ATP6V0A2: variants seen among roughly 807,000 people sequenced by gnomAD.
ATP6V0A2 encodes the protein V-type proton ATPase 116 kDa subunit a 2.
ATP6V0A2 carries 58 observed loss-of-function variants against 104.4 expected under a neutral mutation model. The observed-to-expected ratio is 0.56, with a 90% CI of 0.45 to 0.69. ATP6V0A2 has a LOEUF of 0.69. Among genes scored for constraint, ATP6V0A2 ranks in the 30% least tolerant of loss-of-function variants. The pLI is 0.00. For missense variants in ATP6V0A2, 938 were observed against 1,062.9 expected (o/e 0.88, Z 1.63); for synonymous variants, 376 against 397.9 (o/e 0.95, Z 0.65).
chr12:123,748,548 G>T, intron 14 of ATP6V0A2, 27 bp from the exon 15 acceptor site: 3 of 1,545,892 alleles, frequency 1.9e-6, no homozygotes, highest in Non-Finnish European at 2.7e-6. Flanking sequence ...CTTGTTCGTG[G>T]GTTGATTGAT....
intron 9 of ATP6V0A2, among the ~76,000 whole-genome samples, chr12:123,738,362 G>C (rs10773031): frequency 0.61 from 92,479 of 151,210 alleles, 28,770 homozygotes; most frequent in East Asian, 0.95. Flanking sequence ...CCATTGCACT[G>C]CAGCCTGGGC....
intron 9 of ATP6V0A2, among the ~76,000 whole-genome samples, chr12:123,738,116 G>A (rs894513910): frequency 2.0e-5 from 3 of 151,986 alleles, no homozygotes; most frequent in Admixed American, 2.0e-4. Context: ...TTGTTTAAGA[G>A]CCTTTTGGCT....
chr12:123,740,426 G>A (rs899490351), intron 9 of ATP6V0A2, among the ~76,000 whole-genome samples: 1 of 152,086 alleles, frequency 6.6e-6, no homozygotes, highest in African/African-American at 2.4e-5. Flanking sequence ...GGCCAGGCTG[G>A]TCTGGAACTC....
intron 6 of ATP6V0A2, among the ~76,000 whole-genome samples, chr12:123,729,320 C>CTGTTTTTTTTTTTT (rs1332143429): frequency 2.6e-5 from 1 of 38,836 alleles, no homozygotes; most frequent in Non-Finnish European, 5.0e-5. Context: ...TTCAAGGAGG[C>CTGTTTTTTTTTTTT]TGTTTTTTTT....
At chr12:123,746,513 G>A (rs932396688) in intron 13 of ATP6V0A2, among the ~76,000 whole-genome samples, 7 of 151,500 alleles carry the variant, frequency 4.6e-5, no homozygotes, top group African/African-American at 7.3e-5. Context: ...GTGGTGGTGC[G>A]TGCCTGTGGT....
At chr12:123,738,264 G>T (rs10846551) in intron 9 of ATP6V0A2, among the ~76,000 whole-genome samples, 91,221 of 151,858 alleles carry the variant, frequency 0.6, 28,025 homozygotes, top group East Asian at 0.95. Context: ...TAGCTGGGCG[G>T]GGTGGCACAT....
intron 9 of ATP6V0A2, among the ~76,000 whole-genome samples, chr12:123,739,170 T>C (rs1274110012): frequency 6.6e-6 from 1 of 152,208 alleles, no homozygotes; most frequent in Non-Finnish European, 1.5e-5. Flanking sequence ...TCTTGAGAGC[T>C]GCGTATTAAG....
chr12:123,755,580 G>A (rs1956755571), intron 18 of ATP6V0A2, among the ~76,000 whole-genome samples: 1 of 149,338 alleles, frequency 6.7e-6, no homozygotes, highest in African/African-American at 2.5e-5. Flanking sequence ...GGACAATTTG[G>A]CAAGTATTAG....
chr12:123,719,579 G>A (rs1353108116), intron 2 of ATP6V0A2, among the ~76,000 whole-genome samples: 4 of 151,894 alleles, frequency 2.6e-5, no homozygotes, highest in African/African-American at 9.7e-5. Context: ...TAGAGATGGG[G>A]TTTTACCATG....
At chr12:123,728,586 C>A (rs1248457865) in intron 6 of ATP6V0A2, among the ~76,000 whole-genome samples, 2 of 152,066 alleles carry the variant, frequency 1.3e-5, no homozygotes, top group Non-Finnish European at 2.9e-5. Flanking sequence ...TCAGACTTCC[C>A]TTGGCTTTTG....
In ATP6V0A2 at chr12:123,726,398, A is replaced by G. The variant is rs534324733; in HGVS notation, c.521+113A>G. ...ATTTTAAAGCCTAGGGTTGAATGAA[A>G]CATAGTGAATATTTGTTTAAGAAAC... On this transcript the variant is annotated intron_variant, in intron 5 of 19. Coordinates refer to ENST00000330342, the MANE Select transcript of ATP6V0A2 (RefSeq NM_012463.4). 1.0e-5 allele frequency: 8 copies of G among 776,536 alleles called. No homozygotes were observed. The South Asian group carries it at 1.1e-4, about 11-fold the overall frequency. 48.1% of individuals were successfully genotyped at this position (776,536 alleles called of 1,614,324 possible). A position where few individuals can be genotyped will look rare whatever the true frequency, so the allele number is the denominator to read the frequency against.
intron 3 of ATP6V0A2, 103 bp downstream of exon 3, chr12:123,722,551 T>TCTTCC: frequency 1.3e-6 from 1 of 753,346 alleles, no homozygotes; most frequent in Non-Finnish European, 2.4e-6. Flanking sequence ...TTCTCAAAAC[T>TCTTCC]ATGGAAGATG....
intron 8 of ATP6V0A2, 127 bp downstream of exon 8, chr12:123,735,751 G>C: frequency 1.2e-6 from 1 of 865,618 alleles, no homozygotes; most frequent in Non-Finnish European, 1.9e-6. Context: ...AGTGAGATTG[G>C]AATGTTGCTT....
chr12:123,739,258 C>T (rs981301154), intron 9 of ATP6V0A2, among the ~76,000 whole-genome samples: 25 of 152,216 alleles, frequency 1.6e-4, no homozygotes, highest in Non-Finnish European at 1.2e-4. Context: ...CTTCGTTTCC[C>T]GTCAAGGGTA....
chr12:123,722,992 C>T (rs1220051783), intron 3 of ATP6V0A2, among the ~76,000 whole-genome samples: 1 of 152,128 alleles, frequency 6.6e-6, no homozygotes, highest in Non-Finnish European at 1.5e-5. Context: ...TACATGTGTC[C>T]CCGGTGAGAA....
chr12:123,757,356 G>A (rs1956774757), intron 19 of ATP6V0A2, among the ~76,000 whole-genome samples: 1 of 151,972 alleles, frequency 6.6e-6, no homozygotes, highest in Non-Finnish European at 1.5e-5. Flanking sequence ...CAGGAGAATT[G>A]CTTGAACCCA....
rs1956790076 is a variant in ATP6V0A2, at chr12:123,759,286, C to T, written c.*1254C>T. On this transcript the variant is annotated 3_prime_UTR_variant, in exon 20 of 20. Coordinates refer to ENST00000330342, the MANE Select transcript of ATP6V0A2 (RefSeq NM_012463.4). The stretch of plus-strand genomic sequence containing the variant: ...TTTACCATGAAGAGATTGCACTTAT[C>T]CTTGAGAACAGTCTAATGATACTTT... The T allele has an allele frequency of 6.6e-6, 1 of 152,050 alleles. No homozygotes were observed. Among genetic ancestry groups the T allele is most frequent in the South Asian group, 2.1e-4 (1 of 4,820 alleles). 9.4% of individuals were successfully genotyped at this position (152,050 alleles called of 1,614,324 possible).
In ATP6V0A2 at chr12:123,747,612, G is replaced by A; in HGVS notation, c.1611G>A (p.Trp537Ter). The A allele has an allele frequency of 6.2e-7, 1 of 1,607,132 alleles. No homozygotes were observed. Among genetic ancestry groups the A allele is most frequent in the Non-Finnish European group, 8.5e-7 (1 of 1,173,728 alleles). The change falls in exon 14 of 20, where the codon TGG becomes TGA. Residue 537 changes from tryptophan to a stop codon, truncating the protein, a stop_gained. Coordinates refer to ENST00000330342, the MANE Select transcript of ATP6V0A2 (RefSeq NM_012463.4). LOFTEE classifies it high-confidence loss of function. The stretch of plus-strand genomic sequence containing the variant: ...CTTGTTTGGTTTGGTTTTAGATTTG[G>A]AACTTGGCCACAAATCGCCTCACTT... ...GPYPLGIDPI[W>*]NLATNRLTFL...
intron 14 of ATP6V0A2, 128 bp downstream of exon 14, chr12:123,747,853 CTGT>C (rs1261817231): frequency 2.1e-5 from 14 of 669,518 alleles, no homozygotes; most frequent in Non-Finnish European, 3.4e-5. Flanking sequence ...TTACATGATT[CTGT>C]TGAAGTTATT....
Sources: allele counts gnomAD v4.1 joint callset (sites outside exome capture counted in the v4.1 genomes callset), GRCh38; gene constraint gnomAD v4.1.1; transcripts MANE v1.5; gene names NCBI Gene and HGNC (gene_info 2026-07-23, HGNC 2026-07-21).